Variants in FBXO4 observed in about 807,000 individuals in gnomAD.
FBXO4 encodes F-box only protein 4.
FBXO4 carries 36 observed loss-of-function variants against 43.7 expected under a neutral mutation model. The observed-to-expected ratio is 0.82, with a 90% confidence interval of 0.63 to 1.09. FBXO4 has a LOEUF of 1.09. Ranked by LOEUF, FBXO4 falls within the 50% of genes least tolerant of loss-of-function variation. The pLI is 0.00. For synonymous variants in FBXO4, 180 were observed against 165.6 expected (o/e 1.09, Z -0.67); for missense variants, 435 against 474.1 (o/e 0.92, Z 0.77).
intron 3 of FBXO4, among the ~76,000 whole-genome samples, chr5:41,932,185 A>G (rs1217494523): frequency 6.6e-6 from 1 of 152,244 alleles, no homozygotes; most frequent in African/African-American, 2.4e-5. Flanking sequence ...ATTTCAATTT[A>G]TGGCTCACAC....
chr5:41,981,817 T>A, the FBXO4 span, among the ~76,000 whole-genome samples: 2 of 152,062 alleles, frequency 1.3e-5, no homozygotes, highest in Non-Finnish European at 2.9e-5. Context: ...GTTACTTATG[T>A]ATACATGTGC....
chr5:42,004,329 A>G, the FBXO4 span, among the ~76,000 whole-genome samples: 1 of 152,178 alleles, frequency 6.6e-6, no homozygotes, highest in Non-Finnish European at 1.5e-5. Flanking sequence ...TTGATTTTAA[A>G]TTAAGAAACA....
the FBXO4 span, among the ~76,000 whole-genome samples, chr5:41,983,738 C>T: frequency 6.6e-6 from 1 of 151,892 alleles, no homozygotes; most frequent in African/African-American, 2.4e-5. Context: ...CTCTTTGATT[C>T]TTTTGTTAAT....
At chr5:41,956,601 T>C in the FBXO4 span, among the ~76,000 whole-genome samples, 5 of 152,096 alleles carry the variant, frequency 3.3e-5, no homozygotes, top group South Asian at 4.1e-4. Context: ...TAACAGTTTT[T>C]CCCCCAGCAA....
intron 1 of FBXO4, 67 bp downstream of exon 1, chr5:41,925,565 G>A: frequency 1.7e-6 from 2 of 1,190,972 alleles, no homozygotes; most frequent in Non-Finnish European, 2.1e-6. Flanking sequence ...CTCCCCTGGA[G>A]CCCCCCGGGG....
downstream of FBXO4, among the ~76,000 whole-genome samples, chr5:41,942,845 A>G (rs1752025084): frequency 6.6e-6 from 1 of 152,120 alleles, no homozygotes; most frequent in South Asian, 2.1e-4. Flanking sequence ...TACATGAGCC[A>G]TTTGCATTTT....
At chr5:42,033,597 A>T in the FBXO4 span, among the ~76,000 whole-genome samples, 1 of 151,676 alleles carries the variant, frequency 6.6e-6, no homozygotes, top group Non-Finnish European at 1.5e-5. Flanking sequence ...TCCTGTGTTC[A>T]TATGTCCTCA....
At chr5:42,010,448 T>C in the FBXO4 span, among the ~76,000 whole-genome samples, 106 of 150,994 alleles carry the variant, frequency 7.0e-4, no homozygotes, top group African/African-American at 2.3e-3. Context: ...GCAGAGGTTG[T>C]AGTGAGCTGA....
the FBXO4 span, among the ~76,000 whole-genome samples, chr5:41,961,238 A>C: frequency 5.0e-3 from 767 of 152,196 alleles, 6 homozygotes; most frequent in African/African-American, 0.017. Context: ...CCACAGTGGC[A>C]GTGAAAGTCA....
In FBXO4 at chr5:41,941,425, A is replaced by T; in HGVS notation, c.*144A>T. 1.9e-6 allele frequency: 1 copy of T among 522,084 alleles called. No individual in the cohort carries two copies. The highest frequency in any genetic ancestry group is 3.2e-5 in the South Asian group (1 of 30,844). 32.3% of individuals were successfully genotyped at this position (522,084 alleles called of 1,614,324 possible). On this transcript the variant is annotated 3_prime_UTR_variant, in exon 7 of 7. Coordinates refer to ENST00000281623, the MANE Select transcript of FBXO4 (RefSeq NM_012176.3). ...GACAGCTATAACTGCTGTGTTTTTT[A>T]TATTATTTTTACTCTTTACCATAAA...
the FBXO4 span, among the ~76,000 whole-genome samples, chr5:41,973,729 C>T: frequency 3.3e-4 from 50 of 152,076 alleles, no homozygotes; most frequent in Non-Finnish European, 5.4e-4. Context: ...TCCAGCAATC[C>T]CATTACTTTT....
the FBXO4 span, among the ~76,000 whole-genome samples, chr5:42,019,773 C>A: frequency 1.3e-5 from 2 of 151,312 alleles, no homozygotes; most frequent in Non-Finnish European, 2.9e-5. Flanking sequence ...TTAATTAAAA[C>A]CTTATTAAAA....
chr5:41,937,905 G>A (rs1751893159), intron 5 of FBXO4, among the ~76,000 whole-genome samples: 1 of 152,168 alleles, frequency 6.6e-6, no homozygotes, highest in Non-Finnish European at 1.5e-5. Flanking sequence ...AACTCCCAAA[G>A]ACACCCCTTC....
At chr5:42,015,294 G>A in the FBXO4 span, among the ~76,000 whole-genome samples, 1 of 152,218 alleles carries the variant, frequency 6.6e-6, no homozygotes, top group Middle Eastern at 3.2e-3. Flanking sequence ...GTGTGTGTGT[G>A]CACACGCACA....
the FBXO4 span, among the ~76,000 whole-genome samples, chr5:41,993,265 C>A: frequency 1.3e-5 from 2 of 152,110 alleles, no homozygotes; most frequent in African/African-American, 4.8e-5. Context: ...TTTTTATTCC[C>A]TTTTTATATT....
At chr5:42,032,057 C>CTGTG in the FBXO4 span, among the ~76,000 whole-genome samples, 4,925 of 139,264 alleles carry the variant, frequency 0.035, 84 homozygotes, top group Middle Eastern at 0.054. Context: ...GTCTTTTTTT[C>CTGTG]TGTGTGTGTG....
the FBXO4 span, among the ~76,000 whole-genome samples, chr5:41,984,629 G>T: frequency 6.6e-6 from 1 of 152,206 alleles, no homozygotes; most frequent in Non-Finnish European, 1.5e-5. Context: ...CAGAGCAACA[G>T]ATCTCATTCC....
rs1204639202 is a variant in FBXO4, at chr5:41,941,617, A to G, written c.*336A>G. The stretch of plus-strand genomic sequence containing the variant: ...AGTTTCTATTCTTTTGGGTATAAAG[A>G]TTGCCTTAGTGAGAAATAGCAAATT... On this transcript the variant is annotated 3_prime_UTR_variant, in exon 7 of 7. Transcript: ENST00000281623. The G allele has an allele frequency of 1.1e-5, 2 of 177,118 alleles. No homozygotes were observed. The highest frequency in any genetic ancestry group is 2.4e-5 in the Non-Finnish European group (2 of 82,610). The allele number at this position is 177,118 out of a possible 1,614,324, so 11.0% of individuals were successfully genotyped here.
In FBXO4 at chr5:41,941,328, T is replaced by C. The variant is rs752977325; in HGVS notation, c.*47T>C. 3 of 1,535,856 alleles carry C rather than the reference T, an allele frequency of 2.0e-6. No individual in the cohort carries two copies. The highest frequency in any genetic ancestry group is 2.7e-6 in the Non-Finnish European group (3 of 1,110,278). Reference sequence around the variant, plus strand: ...ACTGAAACCATTTGAAATTTATTACTAAGGTCGTGATGTGAATATTTGCTC... The same window carrying C: ...ACTGAAACCATTTGAAATTTATTACCAAGGTCGTGATGTGAATATTTGCTC... On this transcript the variant is annotated 3_prime_UTR_variant, in exon 7 of 7. Coordinates refer to ENST00000281623, the MANE Select transcript of FBXO4 (RefSeq NM_012176.3).
Sources: allele counts gnomAD v4.1 joint callset (sites outside exome capture counted in the v4.1 genomes callset), GRCh38; gene constraint gnomAD v4.1.1; transcripts MANE v1.5; gene names NCBI Gene and HGNC (gene_info 2026-07-23, HGNC 2026-07-21).